Variants in LIFR observed in about 807,000 individuals in gnomAD.
LIFR encodes the protein leukemia inhibitory factor receptor.
LIFR carries 84 observed loss-of-function variants against 122.2 expected under a neutral mutation model. The observed-to-expected ratio is 0.69, with a 90% CI of 0.58 to 0.82. The LOEUF (loss-of-function observed/expected upper bound fraction) is 0.82. LIFR is among the 40% of genes least tolerant of loss of function. The pLI, the probability that LIFR is intolerant of heterozygous loss-of-function variation, is 0.00. For synonymous variants in LIFR, 422 were observed against 434.7 expected, an observed-to-expected ratio of 0.97 and a Z score of 0.36; for missense variants, 1,294 against 1,311.6, an observed-to-expected ratio of 0.99 and a Z score of 0.21.
chr5:38,506,499 T>A lies in LIFR; in HGVS notation c.1121+4A>T. On this transcript the variant is annotated splice_donor_region_variant and intron_variant, in intron 8 of 19. Coordinates refer to ENST00000453190, the MANE Select transcript of LIFR (RefSeq NM_001127671.2). ...ATCTGACATCTTTTCCCAGTTATCA[T>A]TACCTTTCAACTAAAGTGTAGCTTG... 6.2e-7 allele frequency: 1 copy of A among 1,614,078 alleles called. No homozygotes were observed. The highest frequency in any genetic ancestry group is 1.1e-5 in the South Asian group (1 of 91,074).
At chr5:38,570,722 A>G (rs1466849987) in intron 1 of LIFR, among the ~76,000 whole-genome samples, 1 of 152,176 alleles carries the variant, frequency 6.6e-6, no homozygotes, top group East Asian at 1.9e-4. Context: ...ACGTTAGCCA[A>G]TTTGTGTCTG....
At chr5:38,528,405 G>T (rs915362554) in intron 3 of LIFR, among the ~76,000 whole-genome samples, 6 of 152,160 alleles carry the variant, frequency 3.9e-5, no homozygotes, top group African/African-American at 1.2e-4. Context: ...CTCACACTAA[G>T]ACCGTCCTTC....
intron 1 of LIFR, among the ~76,000 whole-genome samples, chr5:38,541,532 C>G (rs111762518): frequency 0.016 from 2,400 of 152,254 alleles, 30 homozygotes; most frequent in African/African-American, 0.038. Context: ...GCTGTGTAAA[C>G]AGAGTGAAGA....
chr5:38,527,186 T>A lies in LIFR; in HGVS notation c.366A>T (p.Thr122=), dbSNP rs764510545. The A allele has an allele frequency of 5.6e-6, 9 of 1,594,328 alleles. No individual in the cohort carries two copies. The Admixed American group carries it at 1.5e-4, about 27-fold the overall frequency. The change falls in exon 4 of 20, where the codon ACA becomes ACT. Residue 122 remains threonine, a synonymous_variant. Transcript: ENST00000453190. ...INSLHDFGSS[T]SKFTLNEQNV... ...TTTGTTCATTTAGTGTGAATTTACT[T>A]GTAGAACTTCCAAAATCATGTAGAG...
upstream of LIFR, among the ~76,000 whole-genome samples, chr5:38,596,429 G>C (rs1750099813): frequency 6.6e-6 from 1 of 152,164 alleles, no homozygotes; most frequent in Non-Finnish European, 1.5e-5. Flanking sequence ...ATCACTTAAA[G>C]GGCTTGTGAG....
intron 5 of LIFR, among the ~76,000 whole-genome samples, chr5:38,521,948 A>C (rs767077123): frequency 2.0e-5 from 3 of 152,030 alleles, no homozygotes; most frequent in Non-Finnish European, 2.9e-5. Flanking sequence ...CAAGGGAACA[A>C]AGCTGGGTGG....
At position 38,489,994 on chromosome 5, in the gene LIFR, C is replaced by CAA. The variant is rs58235156; in HGVS notation, c.2167+194_2167+195dup. ...TGGGTGACAGAGTAAGACCCTCTCT[C>CAA]AAAAAAAAAAAAAAAAAAAAAAAAA... On this transcript the variant is annotated intron_variant, in intron 15 of 19. Transcript: ENST00000453190. Among the ~76,000 whole-genome samples, 254 of 49,628 alleles carry CAA rather than the reference C, an allele frequency of 5.1e-3. 13 individuals are homozygous for CAA. Among genetic ancestry groups the CAA allele is most frequent in the African/African-American group, 0.012 (154 of 12,708 alleles). 32.6% of individuals were successfully genotyped at this position (49,628 alleles called of 152,430 possible). A position where few individuals can be genotyped will look rare whatever the true frequency, so the allele number is the denominator to read the frequency against.
chr5:38,528,848 A>T lies in LIFR; in HGVS notation c.143-8T>A. 1 of 1,117,508 alleles carries T rather than the reference A, an allele frequency of 8.9e-7. No individual in the cohort carries two copies. The highest frequency in any genetic ancestry group is 1.4e-5 in the South Asian group (1 of 73,792). 69.2% of individuals were successfully genotyped at this position (1,117,508 alleles called of 1,614,324 possible). On this transcript the variant is annotated splice_polypyrimidine_tract_variant and splice_region_variant and intron_variant, in intron 2 of 19. Coordinates refer to ENST00000453190, the MANE Select transcript of LIFR (RefSeq NM_001127671.2). ...TCAAATCATGAGGAGCCCCTGGAGG[A>T]GACACACACACACACACACACACAC...
Position 38,477,512 on chromosome 5 carries a change from C to A in LIFR, c.*4083G>T. 4.6e-6 allele frequency: 1 copy of A among 216,284 alleles called. No homozygotes were observed. Among genetic ancestry groups the A allele is most frequent in the Non-Finnish European group, 9.3e-6 (1 of 107,356 alleles). 13.4% of individuals were successfully genotyped at this position (216,284 alleles called of 1,614,324 possible). A position where few individuals can be genotyped will look rare whatever the true frequency, so the allele number is the denominator to read the frequency against. On this transcript the variant is annotated 3_prime_UTR_variant, in exon 20 of 20. Coordinates refer to ENST00000453190, the MANE Select transcript of LIFR (RefSeq NM_001127671.2). Reference sequence around the variant, plus strand: ...GACACACTGTTGGGCAGAACACATGCTGGCTGGTACAAACATGCCCCAGTT... The same window carrying A: ...GACACACTGTTGGGCAGAACACATGATGGCTGGTACAAACATGCCCCAGTT...
intron 1 of LIFR, among the ~76,000 whole-genome samples, chr5:38,548,994 C>G (rs1437148183): frequency 6.6e-6 from 1 of 152,030 alleles, no homozygotes; most frequent in Admixed American, 6.6e-5. Context: ...ATGTGGGCAC[C>G]GTGAGCTGGA....
At chr5:38,595,801 C>T (rs915048554), upstream of LIFR, among the ~76,000 whole-genome samples, 2 of 142,664 alleles carry the variant, frequency 1.4e-5, no homozygotes, top group Non-Finnish European at 3.0e-5. Context: ...GGCTCGATCT[C>T]GGCTCACTGC....
At position 38,480,516 on chromosome 5, in the gene LIFR, G is replaced by C. The variant is rs922992004; in HGVS notation, c.*1079C>G. The C allele has an allele frequency of 4.6e-6, 1 of 216,452 alleles. No homozygotes were observed. The highest frequency in any genetic ancestry group is 2.3e-5 in the African/African-American group (1 of 44,358). The allele number at this position is 216,452 out of a possible 1,614,324, so 13.4% of individuals were successfully genotyped here. Reference sequence around the variant, plus strand: ...ATTTAAAAATGTGAGGACTGGATCAGATAATGTGGCATGATGAAAAGACTC... The same window carrying C: ...ATTTAAAAATGTGAGGACTGGATCACATAATGTGGCATGATGAAAAGACTC... On this transcript the variant is annotated 3_prime_UTR_variant, in exon 20 of 20. Transcript: ENST00000453190.
chr5:38,554,278 G>C (rs1413440258), intron 1 of LIFR, among the ~76,000 whole-genome samples: 1 of 152,202 alleles, frequency 6.6e-6, no homozygotes, highest in East Asian at 1.9e-4. Context: ...AGATGCCAAA[G>C]ACTCTTATGG....
In LIFR at chr5:38,485,805, A is replaced by C. The variant is rs541984532; in HGVS notation, c.2497+14T>G. 1,047 of 1,613,988 alleles carry C rather than the reference A, an allele frequency of 6.5e-4. 9 individuals carry two copies. The South Asian group carries it at 0.01, about 16-fold the overall frequency. Reference sequence around the variant, plus strand: ...GCAGGATGGAAAGCACCTCAACAGCAACCTGAAACTTACAATTTTCCTTTG... The same window carrying C: ...GCAGGATGGAAAGCACCTCAACAGCCACCTGAAACTTACAATTTTCCTTTG... On this transcript the variant is annotated intron_variant, in intron 17 of 19. Coordinates refer to ENST00000453190, the MANE Select transcript of LIFR (RefSeq NM_001127671.2).
chr5:38,592,158 A>T (rs1358810350), intron 1 of LIFR, among the ~76,000 whole-genome samples: 1 of 152,162 alleles, frequency 6.6e-6, no homozygotes, highest in Non-Finnish European at 1.5e-5. Context: ...CTGAACTGAC[A>T]TATATTAGCC....
intron 16 of LIFR, among the ~76,000 whole-genome samples, chr5:38,487,645 CTCTT>C (rs1427797680): frequency 1.3e-5 from 2 of 152,202 alleles, no homozygotes; most frequent in African/African-American, 4.8e-5. Flanking sequence ...TATGGTCTCT[CTCTT>C]TCTTAAAGTA....
intron 1 of LIFR, among the ~76,000 whole-genome samples, chr5:38,545,789 G>A (rs960696109): frequency 6.6e-6 from 1 of 150,480 alleles, no homozygotes; most frequent in African/African-American, 2.4e-5. Flanking sequence ...GTGAACCCGG[G>A]AGGTGGACCT....
intron 13 of LIFR, among the ~76,000 whole-genome samples, chr5:38,494,258 G>A (rs1019185549): frequency 6.6e-6 from 1 of 152,168 alleles, no homozygotes; most frequent in Admixed American, 6.5e-5. Context: ...GGAAACAGCA[G>A]AAGAACTAGC....
rs944945932 is a variant in LIFR, at chr5:38,512,835, G to T, written c.562-871C>A. On this transcript the variant is annotated intron_variant, in intron 5 of 19. Transcript: ENST00000453190. ...GATCTAAATTTTTCATAGAGTAGAAGTAATTAATGGGGTTGCACTTTCAAA... is the reference window on the plus strand; with the variant it reads ...GATCTAAATTTTTCATAGAGTAGAATTAATTAATGGGGTTGCACTTTCAAA... Among the ~76,000 whole-genome samples, 18 of 152,102 alleles carry T rather than the reference G, an allele frequency of 1.2e-4. 1 individual carries two copies. The highest frequency in any genetic ancestry group is 2.1e-4 in the Non-Finnish European group (14 of 68,020).
Sources: gnomAD v4.1 joint callset for allele counts (sites outside exome capture counted in the v4.1 genomes callset) on GRCh38, gnomAD v4.1.1 for gene constraint, MANE v1.5 for transcripts, NCBI Gene and HGNC (gene_info 2026-07-23, HGNC 2026-07-21) for gene names.